Variants in RFC3 observed in about 807,000 individuals in gnomAD.
RFC3 encodes the protein A1 38 kDa subunit.
A neutral mutation model predicts 45.1 loss-of-function variants in RFC3; 41 were observed. The observed-to-expected ratio is 0.91, with a 90% CI of 0.71 to 1.18. The LOEUF (loss-of-function observed/expected upper bound fraction) is 1.18. Ranked by LOEUF, RFC3 falls within the 50% of genes most tolerant of loss-of-function variation. RFC3 has a pLI of 0.00. For synonymous variants in RFC3, 149 were observed against 144.0 expected, an observed-to-expected ratio of 1.03 and a Z score of -0.25; for missense variants, 423 against 428.1, an observed-to-expected ratio of 0.99 and a Z score of 0.10.
In RFC3 at chr13:33,910,090, GTTA is replaced by G. The variant is rs1371156477; in HGVS notation, c.880-55991_880-55989del. ...TTTTTATTATTGCACTTCTTATTGTGTTATTATTGCATCTTTGACTACATACAT... is the reference window on the plus strand; with the variant it reads ...TTTTTATTATTGCACTTCTTATTGTGTTATTGCATCTTTGACTACATACAT... On this transcript the variant is annotated intron_variant, in intron 8 of 8. Transcript: ENST00000434425. Among the ~76,000 whole-genome samples, 23 of 152,090 alleles carry G rather than the reference GTTA, an allele frequency of 1.5e-4. No homozygotes were observed. The South Asian group carries it at 3.1e-3, about 21-fold the overall frequency.
chr13:33,892,275 T>A lies in RFC3; in HGVS notation c.879+57058T>A, dbSNP rs529723787. Among the ~76,000 whole-genome samples the A allele has an allele frequency of 2.1e-3, 324 of 152,132 alleles. 2 individuals are homozygous for A. Among genetic ancestry groups the A allele is most frequent in the Non-Finnish European group, 3.8e-3 (258 of 68,004 alleles). ...AATTAGAGGAAAGTTGAAGAAAGGA[T>A]CCAAGAGAGAACATCAAAGGCAGAG... On this transcript the variant is annotated intron_variant, in intron 8 of 8. Coordinates refer to the RFC3 transcript ENST00000434425.
At chr13:33,922,670 A>C (rs1006174771) in intron 8 of RFC3, among the ~76,000 whole-genome samples, 1 of 152,120 alleles carries the variant, frequency 6.6e-6, no homozygotes, top group African/African-American at 2.4e-5. Context: ...TGTTATGAAA[A>C]AGTAGCTAGT....
chr13:33,971,927 C>T, the RFC3 span, among the ~76,000 whole-genome samples: 5 of 147,294 alleles, frequency 3.4e-5, no homozygotes, highest in African/African-American at 1.3e-4. Context: ...GCCTGACCAA[C>T]GTGGCACAAC....
rs1474514320 is a variant in RFC3 at position 33,966,290 on chromosome 13, AC to A, written c.*168del. ...TATTTCCTGAGAAAATCCCTCCCTGACCCACTGTGCTGGTTAGGTCCACCTG... is the reference window on the plus strand; with the variant it reads ...TATTTCCTGAGAAAATCCCTCCCTGACCACTGTGCTGGTTAGGTCCACCTG... On this transcript the variant is annotated 3_prime_UTR_variant, in exon 9 of 9. Coordinates refer to the RFC3 transcript ENST00000434425. The A allele has an allele frequency of 8.9e-5, 58 of 650,808 alleles. No homozygotes were observed. The Admixed American group carries it at 1.4e-3, about 15-fold the overall frequency. 40.3% of individuals were successfully genotyped at this position (650,808 alleles called of 1,614,324 possible). A position where few individuals can be genotyped will look rare whatever the true frequency, so the allele number is the denominator to read the frequency against.
chr13:33,843,536 A>G (rs1218919137), intron 8 of RFC3, among the ~76,000 whole-genome samples: 1 of 152,208 alleles, frequency 6.6e-6, no homozygotes, highest in Non-Finnish European at 1.5e-5. Context: ...GTGCAAAATA[A>G]TTACTAGCTG....
At chr13:33,966,352 A>G (rs911581737) in exon 9 of RFC3, 12 of 588,480 alleles carry the variant, frequency 2.0e-5, no homozygotes, top group Non-Finnish European at 3.7e-5. Context: ...CTTCTCCTTC[A>G]AAACACTCAT....
chr13:33,943,688 GTTCACATGGCTGTTGGCAGAATTT>G (rs770378046), intron 8 of RFC3, among the ~76,000 whole-genome samples: 10 of 152,170 alleles, frequency 6.6e-5, no homozygotes, highest in Non-Finnish European at 1.2e-4. Flanking sequence ...CCTCTTCCAA[GTTCACATGGCTGTTGGCAGAATTT>G]ATTCTCTTGA....
rs1479172800 is a variant in RFC3 at position 33,836,936 on chromosome 13, T to C, written c.*641T>C. ...TCTTGAAGAAAATTCAGAATGAAGT[T>C]CTGGAGAAAGGTATGTTACTGTAGT... On this transcript the variant is annotated 3_prime_UTR_variant, in exon 9 of 9. Coordinates refer to ENST00000380071, the MANE Select transcript of RFC3 (RefSeq NM_002915.4). 1 of 984,986 alleles carries C rather than the reference T, an allele frequency of 1.0e-6. No individual in the cohort carries two copies. 61.0% of individuals were successfully genotyped at this position (984,986 alleles called of 1,614,324 possible). A position where few individuals can be genotyped will look rare whatever the true frequency, so the allele number is the denominator to read the frequency against.
the RFC3 span, among the ~76,000 whole-genome samples, chr13:33,976,344 G>A: frequency 3.3e-5 from 5 of 152,126 alleles, no homozygotes; most frequent in Non-Finnish European, 7.4e-5. Flanking sequence ...AATATGGCAC[G>A]TTCTCATTCA....
chr13:33,899,127 G>C (rs1388593541), intron 8 of RFC3, among the ~76,000 whole-genome samples: 1 of 131,752 alleles, frequency 7.6e-6, no homozygotes, highest in Non-Finnish European at 1.6e-5. Context: ...CAAAAAAATT[G>C]AAGAGGAGAA....
intron 8 of RFC3, among the ~76,000 whole-genome samples, chr13:33,877,641 A>G (rs553448468): frequency 1.3e-5 from 2 of 151,300 alleles, no homozygotes; most frequent in Non-Finnish European, 2.9e-5. Flanking sequence ...GTTATTACAT[A>G]GTAGTTTATA....
Position 33,836,742 on chromosome 13 carries a change from G to A in RFC3, c.*447G>A, listed in dbSNP as rs891742108. The A allele has an allele frequency of 9.1e-6, 9 of 984,382 alleles. No homozygotes were observed. The highest frequency in any genetic ancestry group is 8.7e-5 in the African/African-American group (5 of 57,160). The allele number at this position is 984,382 out of a possible 1,614,324, so 61.0% of individuals were successfully genotyped here. On this transcript the variant is annotated 3_prime_UTR_variant, in exon 9 of 9. Transcript: ENST00000380071. ...TCTCTCAATGAATAATTGTATTTTT[G>A]TAGGAAATGTAAGATTTCATTCTGA...
chr13:33,940,537 G>C (rs2082916506), intron 8 of RFC3, among the ~76,000 whole-genome samples: 1 of 152,198 alleles, frequency 6.6e-6, no homozygotes, highest in Non-Finnish European at 1.5e-5. Context: ...TATATACCAA[G>C]TGTGTCAAGT....
chr13:33,928,706 C>G (rs528169506), intron 8 of RFC3, among the ~76,000 whole-genome samples: 1 of 152,236 alleles, frequency 6.6e-6, no homozygotes, highest in South Asian at 2.1e-4. Context: ...ATACTTAATA[C>G]AAGTCCAATA....
chr13:33,927,831 A>G (rs1242264252), intron 8 of RFC3, among the ~76,000 whole-genome samples: 1 of 152,034 alleles, frequency 6.6e-6, no homozygotes, highest in Non-Finnish European at 1.5e-5. Flanking sequence ...AAATAGGTTG[A>G]TTTACATCAG....
chr13:33,917,826 G>A (rs1256713330), intron 8 of RFC3, among the ~76,000 whole-genome samples: 2 of 151,868 alleles, frequency 1.3e-5, no homozygotes, highest in Non-Finnish European at 2.9e-5. Flanking sequence ...AGCTTTCAGA[G>A]CACACAGACA....
intron 8 of RFC3, among the ~76,000 whole-genome samples, chr13:33,895,184 A>G (rs2082589719): frequency 6.6e-6 from 1 of 152,224 alleles, no homozygotes; most frequent in South Asian, 2.1e-4. Context: ...CTGCCCAGTA[A>G]AATAAATAAT....
intron 7 of RFC3, among the ~76,000 whole-genome samples, chr13:33,834,554 C>T (rs1178703843): frequency 6.6e-6 from 1 of 151,698 alleles, no homozygotes; most frequent in Non-Finnish European, 1.5e-5. Context: ...TTTGTGCCGC[C>T]CCTTTTATGA....
rs2082965863 is a variant in RFC3, at chr13:33,948,170, T to A, written c.880-17917T>A. On this transcript the variant is annotated intron_variant, in intron 8 of 8. Transcript: ENST00000434425. ...TGGGCTGAGCCCAGGGACCCCCTGC[T>A]CCATGCAGCCTTGGGACATGGTGCC... Among the ~76,000 whole-genome samples, 4 of 152,164 alleles carry A rather than the reference T, an allele frequency of 2.6e-5. 1 individual carries two copies. In the South Asian group the frequency reaches 8.3e-4, roughly 31 times the overall value.
Sources: allele counts gnomAD v4.1 joint callset (sites outside exome capture counted in the v4.1 genomes callset), GRCh38; gene constraint gnomAD v4.1.1; transcripts MANE v1.5; gene names NCBI Gene and HGNC (gene_info 2026-07-23, HGNC 2026-07-21).